Variants in HEPH observed in about 807,000 individuals in gnomAD.
The protein encoded by HEPH is hephaestin.
A neutral mutation model predicts 80.8 loss-of-function variants in HEPH; 69 were observed. The observed-to-expected ratio is 0.85, with a 90% confidence interval of 0.70 to 1.04. The LOEUF (loss-of-function observed/expected upper bound fraction) is 1.04, where lower values mean the gene tolerates loss of function less well. Ranked by LOEUF, HEPH falls within the 50% of genes least tolerant of loss-of-function variation. The pLI, the probability that HEPH is intolerant of heterozygous loss-of-function variation, is 0.00. For synonymous variants in HEPH, 431 were observed against 322.8 expected (o/e 1.34, Z -3.60); for missense variants, 1,115 against 891.3 (o/e 1.25, Z -3.20).
chrX:66,219,356 C>T (rs1288326112), intron 15 of HEPH, among the ~76,000 whole-genome samples: 1 of 112,101 alleles, frequency 8.9e-6, no homozygotes, highest in Non-Finnish European at 1.9e-5. Flanking sequence ...ATGTCTTCAA[C>T]TACTTGCCTT....
At chrX:66,262,860 G>A (rs1569420038) in intron 19 of HEPH, among the ~76,000 whole-genome samples, 1 of 111,767 alleles carries the variant, frequency 8.9e-6, no homozygotes, top group Non-Finnish European at 1.9e-5. Context: ...GAAAGGATGG[G>A]AGGTTGTTGT....
chrX:66,199,198 C>T (rs2088280851), intron 11 of HEPH, among the ~76,000 whole-genome samples, 170 bp downstream of exon 11: 1 of 112,113 alleles, frequency 8.9e-6, no homozygotes, highest in South Asian at 3.7e-4. Flanking sequence ...TACTTAGTAC[C>T]TTTGGGTGCT....
chrX:66,198,268 C>A (rs770173274), intron 10 of HEPH, among the ~76,000 whole-genome samples: 1 of 106,795 alleles, frequency 9.4e-6, no homozygotes. Context: ...ATTTGCTTGT[C>A]TTCTTTTGTA....
rs953040725 is a variant in HEPH at position 66,173,699 on chromosome X, G to C, written c.523G>C (p.Asp175His). 3.3e-6 allele frequency: 4 copies of C among 1,208,139 alleles called. No individual in the cohort carries two copies. In the African/African-American group the frequency reaches 7.0e-5, roughly 21 times the overall value. Residue 175 changes from aspartate to histidine, a missense_variant, in exon 4 of 21, where the codon GAT becomes CAT. Asp to His is a moderately conservative substitution (Grantham distance 81). Around this residue, in one of 3 missense-constraint regions of HEPH, gnomAD observed 391 missense variants for 343.6 expected, o/e 1.14. Transcript: ENST00000343002. ...CATTCCAGAAGGCCATGCACCCACCGATGCTGACCCAGCGTGCCTCACCTG... is the reference window on the plus strand; with the variant it reads ...CATTCCAGAAGGCCATGCACCCACCCATGCTGACCCAGCGTGCCTCACCTG... ...WTIPEGHAPTDADPACLTWIY... is the reference protein window; with the variant it reads ...WTIPEGHAPTHADPACLTWIY...
rs182781297 is a variant in HEPH, at chrX:66,242,429, G to A, written c.2564-12606G>A. 8.8e-3 allele frequency among the ~76,000 whole-genome samples: 979 copies of A among 111,275 alleles called. 8 individuals are homozygous for A. Among genetic ancestry groups the A allele is most frequent in the Non-Finnish European group, 0.016 (849 of 52,872 alleles). ...CTATAAAGACCCTAGAAGAAACCTA[G>A]GACATATCATTATGCACATAGGCCT... On this transcript the variant is annotated intron_variant, in intron 15 of 20. Transcript: ENST00000343002.
chrX:66,197,181 T>C (rs1007161075), intron 9 of HEPH, among the ~76,000 whole-genome samples: 2 of 110,218 alleles, frequency 1.8e-5, no homozygotes, highest in East Asian at 5.6e-4. Flanking sequence ...CTTAGTGTTT[T>C]ATATATATAT....
At chrX:66,235,265 A>G (rs780941874) in intron 15 of HEPH, among the ~76,000 whole-genome samples, 1 of 111,526 alleles carries the variant, frequency 9.0e-6, no homozygotes, top group South Asian at 3.8e-4. Context: ...TCATGAAATC[A>G]TTGCCTTTTT....
chrX:66,266,249 T>A (rs1319413841), intron 20 of HEPH, among the ~76,000 whole-genome samples, 191 bp from the exon 21 acceptor site: 1 of 111,255 alleles, frequency 9.0e-6, no homozygotes, highest in South Asian at 3.9e-4. Context: ...AGGACCCTTA[T>A]AGCTGTTACA....
intron 15 of HEPH, among the ~76,000 whole-genome samples, chrX:66,241,986 G>T (rs1429502783): frequency 9.3e-5 from 10 of 107,618 alleles, no homozygotes; most frequent in African/African-American, 3.0e-4. Context: ...AACCACTAAG[G>T]ACATTCTTCA....
At chrX:66,229,722 G>A (rs1223744924) in intron 15 of HEPH, among the ~76,000 whole-genome samples, 1 of 111,694 alleles carries the variant, frequency 9.0e-6, no homozygotes, top group Non-Finnish European at 1.9e-5. Context: ...GCTTTGATAA[G>A]CTTGGAATTT....
Position 66,266,535 on chromosome X carries a change from G to T in HEPH, c.3340G>T (p.Ala1114Ser). ...TGAGATGCTGGCCTCTGTTTTGGTT[G>T]CCATTAGTGTCACCCTTCTGCTCGT... ...NVEMLASVLV[A>S]ISVTLLLVVL... Residue 1114 changes from alanine (A) to serine (S), a missense_variant, in exon 21 of 21, where the codon GCC becomes TCC. By Grantham distance (99) the Ala-to-Ser change is moderately conservative. Around this residue, in one of 3 missense-constraint regions of HEPH, gnomAD observed 716 missense variants for 523.5 expected, o/e 1.37. Transcript: ENST00000343002. 1 of 1,209,283 alleles carries T rather than the reference G, an allele frequency of 8.3e-7. No individual in the cohort carries two copies. Among genetic ancestry groups the T allele is most frequent in the Non-Finnish European group, 1.1e-6 (1 of 893,990 alleles).
intron 20 of HEPH, among the ~76,000 whole-genome samples, chrX:66,266,218 C>CT (rs1415306344): frequency 1.8e-5 from 2 of 110,801 alleles, no homozygotes; most frequent in Non-Finnish European, 3.8e-5. Flanking sequence ...CATGAATGGA[C>CT]TGGGGCCTCA....
At position 66,208,214 on chromosome X, in the gene HEPH, C is replaced by A. The variant is rs185185997; in HGVS notation, c.2531C>A (p.Ser844Tyr). Residue 844 changes from serine to tyrosine, a missense_variant, in exon 15 of 21, where the codon TCT (serine) becomes TAT (tyrosine). Coordinates refer to ENST00000343002, the MANE Select transcript of HEPH (RefSeq NM_001367233.3). ...GTGCATGCTCATGGAGTGCTAGAATCTACTACTGTCTGGCCACTGGCTGCT... is the reference window on the plus strand; with the variant it reads ...GTGCATGCTCATGGAGTGCTAGAATATACTACTGTCTGGCCACTGGCTGCT... ...YSVHAHGVLE[S>Y]TTVWPLAAEP... 1 of 1,208,609 alleles carries A rather than the reference C, an allele frequency of 8.3e-7. No individual in the cohort carries two copies. Among genetic ancestry groups the A allele is most frequent in the African/African-American group, 1.7e-5 (1 of 57,714 alleles).
rs779444404 is a variant in HEPH at position 66,266,933 on chromosome X, G to A, written c.*261G>A. On this transcript the variant is annotated 3_prime_UTR_variant, in exon 21 of 21. Coordinates refer to ENST00000343002, the MANE Select transcript of HEPH (RefSeq NM_001367233.3). ...TTATCCTACATCGCAAATTTCAACA[G>A]CTACATTATATTTCCTTCTGACACT... 5.2e-5 allele frequency: 16 copies of A among 307,283 alleles called. No individual in the cohort carries two copies. The highest frequency in any genetic ancestry group is 7.9e-5 in the Non-Finnish European group (14 of 177,617). 25.3% of individuals were successfully genotyped at this position (307,283 alleles called of 1,213,427 possible). A position where few individuals can be genotyped will look rare whatever the true frequency, so the allele number is the denominator to read the frequency against.
chrX:66,231,797 A>G (rs2090156327), intron 15 of HEPH, among the ~76,000 whole-genome samples: 2 of 106,301 alleles, frequency 1.9e-5, no homozygotes, highest in South Asian at 4.3e-4. Flanking sequence ...TGCCCTGGCC[A>G]GAACTTCCAA....
At chrX:66,166,557 T>C (rs1007002418) in intron 1 of HEPH, among the ~76,000 whole-genome samples, 2 of 111,891 alleles carry the variant, frequency 1.8e-5, no homozygotes, top group Non-Finnish European at 3.8e-5. Flanking sequence ...TTTTAGTATA[T>C]GATAAAACCA....
chrX:66,213,140 C>T (rs1401519339), intron 15 of HEPH, among the ~76,000 whole-genome samples: 3 of 109,719 alleles, frequency 2.7e-5, no homozygotes, highest in Non-Finnish European at 5.7e-5. Context: ...CCCACTAACT[C>T]ATCATCTAGC....
At chrX:66,192,666 C>T (rs2087867028) in intron 7 of HEPH, among the ~76,000 whole-genome samples, 1 of 111,899 alleles carries the variant, frequency 8.9e-6, no homozygotes, top group Admixed American at 9.5e-5. Flanking sequence ...TATTTACCTC[C>T]TTGCTCCTTC....
intron 15 of HEPH, among the ~76,000 whole-genome samples, chrX:66,247,402 TATC>T (rs1051338132): frequency 6.5e-5 from 7 of 108,270 alleles, no homozygotes; most frequent in African/African-American, 2.4e-4. Flanking sequence ...TCCATTGTCC[TATC>T]ATCAAGTTAT....
Sources: gnomAD v4.1 joint callset for allele counts (sites outside exome capture counted in the v4.1 genomes callset) on GRCh38, gnomAD v4.1.1 for gene constraint, gnomAD v4.1.1 regional missense constraint, MANE v1.5 for transcripts, NCBI Gene and HGNC (gene_info 2026-07-23, HGNC 2026-07-21) for gene names.